The following MTMR2 variants were observed in gnomAD, a reference collection of about 807,000 sequenced individuals.
MTMR2 encodes the protein phosphatidylinositol-3,5-bisphosphate 3-phosphatase MTMR2.
Under a neutral mutation model 86.9 loss-of-function variants are expected in MTMR2, and 55 were observed. The ratio of observed to expected loss-of-function variants is 0.63; its 90% confidence interval spans 0.51 to 0.79. MTMR2 has a LOEUF of 0.79. Ranked by LOEUF, MTMR2 falls within the 30% of genes least tolerant of loss-of-function variation. The pLI is 0.00. For missense variants in MTMR2, 659 were observed against 772.3 expected, an observed-to-expected ratio of 0.85 and a Z score of 1.74; for synonymous variants, 241 against 266.8, an observed-to-expected ratio of 0.90 and a Z score of 0.94.
chr11:95,836,239 G>T lies in MTMR2; in HGVS notation c.1679C>A (p.Ser560Tyr), dbSNP rs766722493. The change falls in exon 14 of 15, where the codon TCC (serine) becomes TAC (tyrosine). Residue 560 changes from serine (S) to tyrosine (Y), a missense_variant. Coordinates refer to ENST00000346299, the MANE Select transcript of MTMR2 (RefSeq NM_016156.6). ...DFTNPLYGSY[S>Y]NHVLYPVASM... ...GGCTACTGGATAAAGGACATGATTG[G>T]AATAGCTCCCATAGAGAGGATTAGT... The T allele has an allele frequency of 1.9e-6, 3 of 1,612,908 alleles. No homozygotes were observed. Among genetic ancestry groups the T allele is most frequent in the Non-Finnish European group, 2.5e-6 (3 of 1,179,148 alleles).
chr11:95,844,065 G>C (rs181187421), intron 11 of MTMR2, among the ~76,000 whole-genome samples: 57 of 152,242 alleles, frequency 3.7e-4, no homozygotes, highest in Admixed American at 1.8e-3. Flanking sequence ...AAAAAGAACG[G>C]GGGGAGTAGG....
chr11:95,873,065 G>T (rs1299830076), intron 2 of MTMR2, among the ~76,000 whole-genome samples: 1 of 152,190 alleles, frequency 6.6e-6, no homozygotes, highest in Non-Finnish European at 1.5e-5. Context: ...AGGAATACTG[G>T]TCTAAAATTC....
At position 95,835,030 on chromosome 11, in the gene MTMR2, T is replaced by C. The variant is rs931791402; in HGVS notation, c.*260A>G. On this transcript the variant is annotated 3_prime_UTR_variant, in exon 15 of 15. Coordinates refer to ENST00000346299, the MANE Select transcript of MTMR2 (RefSeq NM_016156.6). The stretch of plus-strand genomic sequence containing the variant: ...TTTTAATAGAAACTTGTTCCCACTG[T>C]GAATCCAGGATTGAAGTATTTTAAT... 1.1e-5 allele frequency: 5 copies of C among 444,446 alleles called. No individual in the cohort carries two copies. The highest frequency in any genetic ancestry group is 2.1e-5 in the Non-Finnish European group (5 of 241,916). 27.5% of individuals were successfully genotyped at this position (444,446 alleles called of 1,614,324 possible).
At chr11:95,852,401 C>T (rs1864054793) in intron 7 of MTMR2, among the ~76,000 whole-genome samples, 1 of 152,210 alleles carries the variant, frequency 6.6e-6, no homozygotes, top group Non-Finnish European at 1.5e-5. Flanking sequence ...AGAATGTACT[C>T]TCCTTTAAAG....
chr11:95,919,150 C>T (rs1232476209), intron 1 of MTMR2, among the ~76,000 whole-genome samples: 1 of 152,194 alleles, frequency 6.6e-6, no homozygotes, highest in Non-Finnish European at 1.5e-5. Flanking sequence ...CAACACGTCA[C>T]TCTTAAGTGA....
At chr11:95,855,891 T>TC (rs1295094252) in intron 7 of MTMR2, among the ~76,000 whole-genome samples, 1 of 152,146 alleles carries the variant, frequency 6.6e-6, no homozygotes, top group Non-Finnish European at 1.5e-5. Flanking sequence ...AATTCAAAAC[T>TC]AAGTTTTCTA....
intron 2 of MTMR2, among the ~76,000 whole-genome samples, chr11:95,880,365 T>G (rs1405519550): frequency 6.6e-6 from 1 of 152,128 alleles, no homozygotes; most frequent in Non-Finnish European, 1.5e-5. Context: ...TATACCACAA[T>G]TTATTAATGA....
intron 14 of MTMR2, 105 bp downstream of exon 14, chr11:95,836,043 G>A (rs1031242670): frequency 1.8e-6 from 2 of 1,107,420 alleles, no homozygotes; most frequent in South Asian, 1.2e-5. Context: ...AATGGGTAAG[G>A]AGTAAAGTTT....
chr11:95,856,282 T>C (rs1486070475), intron 7 of MTMR2, among the ~76,000 whole-genome samples: 1 of 151,618 alleles, frequency 6.6e-6, no homozygotes, highest in Non-Finnish European at 1.5e-5. Flanking sequence ...CCTTTCAGTA[T>C]ACCCTGCTGG....
chr11:95,901,712 AT>A (rs1866080527), intron 1 of MTMR2, among the ~76,000 whole-genome samples: 1 of 152,306 alleles, frequency 6.6e-6, no homozygotes, highest in East Asian at 1.9e-4. Context: ...CTGGGGAGCT[AT>A]AACACAAACG....
At chr11:95,857,457 T>G in intron 7 of MTMR2, 95 bp downstream of exon 7, 495 of 784,416 alleles carry the variant, frequency 6.3e-4, no homozygotes, top group East Asian at 9.3e-4. Flanking sequence ...TACTGTGGTA[T>G]GAGATATGCT....
Position 95,862,122 on chromosome 11 carries a change from A to G in MTMR2, c.358-20T>C, listed in dbSNP as rs1268666606. 2 of 1,577,668 alleles carry G rather than the reference A, an allele frequency of 1.3e-6. No individual in the cohort carries two copies. Among genetic ancestry groups the G allele is most frequent in the African/African-American group, 2.7e-5 (2 of 74,466 alleles). The stretch of plus-strand genomic sequence containing the variant: ...GGGATCCTAAAGAAGGAAAGAAAAA[A>G]TAATTAAAACTGAGCAATTAATACT... On this transcript the variant is annotated intron_variant, in intron 4 of 14. Coordinates refer to ENST00000346299, the MANE Select transcript of MTMR2 (RefSeq NM_016156.6).
intron 1 of MTMR2, among the ~76,000 whole-genome samples, chr11:95,906,835 C>T (rs529415863): frequency 6.6e-6 from 1 of 151,994 alleles, no homozygotes; most frequent in African/African-American, 2.4e-5. Context: ...CTAATGAGAA[C>T]AAAGATACAA....
At chr11:95,865,415 A>G (rs1407818735) in intron 3 of MTMR2, 186 bp downstream of exon 3, 2 of 613,114 alleles carry the variant, frequency 3.3e-6, no homozygotes, top group African/African-American at 3.7e-5. Context: ...TCAAACACAA[A>G]CACTAGCAGC....
At chr11:95,858,479 T>TAA in intron 6 of MTMR2, 52 bp downstream of exon 6, 1 of 1,219,094 alleles carries the variant, frequency 8.2e-7, no homozygotes, top group Non-Finnish European at 1.2e-6. Context: ...AGTTTCTTTA[T>TAA]ACGACATCAA....
intron 2 of MTMR2, among the ~76,000 whole-genome samples, chr11:95,875,192 T>A (rs1865058493): frequency 6.6e-6 from 1 of 152,218 alleles, no homozygotes; most frequent in African/African-American, 2.4e-5. Flanking sequence ...GCAGAATGTT[T>A]TCCAACTTGG....
chr11:95,882,110 T>A (rs1415258953), intron 2 of MTMR2, among the ~76,000 whole-genome samples: 1 of 152,246 alleles, frequency 6.6e-6, no homozygotes, highest in Non-Finnish European at 1.5e-5. Context: ...CACTGTTTAC[T>A]ATCTAACATA....
At chr11:95,903,209 C>A (rs776914695) in intron 1 of MTMR2, among the ~76,000 whole-genome samples, 16 of 152,176 alleles carry the variant, frequency 1.1e-4, no homozygotes, top group Non-Finnish European at 1.9e-4. Flanking sequence ...ACTCTACTGT[C>A]TGACCATCAG....
chr11:95,882,890 T>C (rs1466429550), intron 2 of MTMR2, among the ~76,000 whole-genome samples: 1 of 8,728 alleles, frequency 1.1e-4, no homozygotes, highest in African/African-American at 5.0e-4. Context: ...ATCCAGCTAA[T>C]TTTTTTTTTT....
Sources: allele counts gnomAD v4.1 joint callset (sites outside exome capture counted in the v4.1 genomes callset), GRCh38; gene constraint gnomAD v4.1.1; transcripts MANE v1.5; gene names NCBI Gene and HGNC (gene_info 2026-07-23, HGNC 2026-07-21).